Variants in PTPRG observed in about 807,000 individuals in gnomAD.
The protein encoded by PTPRG is receptor-type tyrosine-protein phosphatase gamma.
Under a neutral mutation model 165.3 loss-of-function variants are expected in PTPRG, and 102 were observed. That is an observed-to-expected ratio of 0.62 (90% CI 0.53 to 0.73). The LOEUF (loss-of-function observed/expected upper bound fraction) is 0.73, where lower values mean the gene tolerates loss of function less well. PTPRG is among the 30% of genes least tolerant of loss of function. PTPRG has a pLI of 0.00. For missense variants in PTPRG, 1,866 were observed against 1,861.4 expected (o/e 1.00, Z -0.05); for synonymous variants, 675 against 669.5 (o/e 1.01, Z -0.13).
chr3:61,813,838 C>A (rs2035671878), intron 2 of PTPRG, among the ~76,000 whole-genome samples: 1 of 150,140 alleles, frequency 6.7e-6, no homozygotes, highest in Non-Finnish European at 1.5e-5. Flanking sequence ...TGCTGTAATA[C>A]ATGCTTTTCA....
chr3:61,589,919 A>G (rs944848269), intron 1 of PTPRG, among the ~76,000 whole-genome samples: 1 of 152,158 alleles, frequency 6.6e-6, no homozygotes, highest in African/African-American at 2.4e-5. Flanking sequence ...AGCCACTCAC[A>G]TTTGGCTAGA....
chr3:61,860,378 G>A (rs1169004431), intron 2 of PTPRG, among the ~76,000 whole-genome samples: 2 of 148,684 alleles, frequency 1.3e-5, no homozygotes, highest in East Asian at 4.0e-4. Context: ...AAAAATACAT[G>A]ACTTTTCTCC....
chr3:61,608,137 T>G (rs1241627498), intron 1 of PTPRG, among the ~76,000 whole-genome samples: 1 of 151,806 alleles, frequency 6.6e-6, no homozygotes, highest in Non-Finnish European at 1.5e-5. Flanking sequence ...AGAAGGCTTA[T>G]CGGGGATGCT....
At chr3:61,786,710 A>G (rs1043323128) in intron 2 of PTPRG, among the ~76,000 whole-genome samples, 3 of 152,100 alleles carry the variant, frequency 2.0e-5, no homozygotes, top group Non-Finnish European at 4.4e-5. Flanking sequence ...TGATGTTTTT[A>G]AGACGCCAGA....
intron 2 of PTPRG, among the ~76,000 whole-genome samples, chr3:61,927,362 A>G (rs988682820): frequency 5.9e-5 from 9 of 152,140 alleles, no homozygotes; most frequent in African/African-American, 2.2e-4. Context: ...TTGGAGGCCG[A>G]GCTCTCAAAT....
intron 2 of PTPRG, among the ~76,000 whole-genome samples, chr3:61,865,937 C>G (rs1323391799): frequency 6.6e-6 from 1 of 152,186 alleles, no homozygotes; most frequent in Non-Finnish European, 1.5e-5. Flanking sequence ...GCTGTTGCCA[C>G]AAGTCTGCAT....
chr3:61,598,850 A>C (rs1475887110), intron 1 of PTPRG, among the ~76,000 whole-genome samples: 3 of 152,150 alleles, frequency 2.0e-5, no homozygotes, highest in African/African-American at 4.8e-5. Context: ...CCGCGGAAGC[A>C]CCATACCGAC....
At chr3:61,829,570 T>C (rs1421936091) in intron 2 of PTPRG, among the ~76,000 whole-genome samples, 1 of 152,260 alleles carries the variant, frequency 6.6e-6, no homozygotes, top group African/African-American at 2.4e-5. Context: ...CAACCCTTCC[T>C]GCTGTCTCTT....
chr3:61,599,145 A>G (rs1700779465), intron 1 of PTPRG, among the ~76,000 whole-genome samples: 1 of 152,168 alleles, frequency 6.6e-6, no homozygotes, highest in African/African-American at 2.4e-5. Context: ...GCATTAAACC[A>G]TTAATTAATT....
chr3:61,941,128 T>C (rs1267222502), intron 2 of PTPRG, among the ~76,000 whole-genome samples: 1 of 152,182 alleles, frequency 6.6e-6, no homozygotes, highest in Non-Finnish European at 1.5e-5. Flanking sequence ...CTCACAAACT[T>C]GTTGTGTGGA....
intron 1 of PTPRG, among the ~76,000 whole-genome samples, chr3:61,614,441 A>C (rs1701253697): frequency 2.2e-5 from 1 of 46,446 alleles, no homozygotes; most frequent in Non-Finnish European, 5.0e-5. Flanking sequence ...TTTTTGAGAC[A>C]GGATCTTTCC....
chr3:61,923,246 T>C (rs1208704773), intron 2 of PTPRG, among the ~76,000 whole-genome samples: 10 of 152,148 alleles, frequency 6.6e-5, no homozygotes, highest in African/African-American at 1.2e-4. Flanking sequence ...TGCACGTGTG[T>C]CAGTGGAGAC....
intron 2 of PTPRG, among the ~76,000 whole-genome samples, chr3:61,949,870 C>A (rs990026210): frequency 7.2e-5 from 11 of 152,126 alleles, no homozygotes; most frequent in African/African-American, 2.7e-4. Context: ...GCCTCAGCCT[C>A]CTGAGTAGTT....
At chr3:62,116,005 A>T (rs919474977) in intron 5 of PTPRG, among the ~76,000 whole-genome samples, 1 of 152,220 alleles carries the variant, frequency 6.6e-6, no homozygotes, top group Non-Finnish European at 1.5e-5. Flanking sequence ...TAAGTGGATT[A>T]TTGTAGCAAC....
chr3:61,708,074 C>A (rs988707425), intron 1 of PTPRG, among the ~76,000 whole-genome samples: 1 of 152,180 alleles, frequency 6.6e-6, no homozygotes, highest in East Asian at 1.9e-4. Context: ...CAGGCGTGAG[C>A]CACCACACCC....
At chr3:61,678,918 T>G (rs891504632) in intron 1 of PTPRG, among the ~76,000 whole-genome samples, 1 of 152,106 alleles carries the variant, frequency 6.6e-6, no homozygotes, top group Non-Finnish European at 1.5e-5. Context: ...CATTAGTATC[T>G]CTGTATTATG....
rs776995061 is a variant in PTPRG, at chr3:62,294,672, G to GTGTT, written c.*1369_*1372dup. The GTGTT allele has an allele frequency of 2.6e-5, 4 of 152,088 alleles. No individual in the cohort carries two copies. The highest frequency in any genetic ancestry group is 4.4e-5 in the Non-Finnish European group (3 of 67,990). The allele number at this position is 152,088 out of a possible 1,614,324, so 9.4% of individuals were successfully genotyped here. ...GGAGCATTAATAAGAAATTTCAGTAGTGTTTGTAAGGAAAATAAGCTACTT... is the reference window on the plus strand; with the variant it reads ...GGAGCATTAATAAGAAATTTCAGTAGTGTTTGTTTGTAAGGAAAATAAGCTACTT... On this transcript the variant is annotated 3_prime_UTR_variant, in exon 30 of 30. Transcript: ENST00000474889.
chr3:62,054,680 A>C (rs920269297), intron 4 of PTPRG, among the ~76,000 whole-genome samples: 4 of 152,228 alleles, frequency 2.6e-5, no homozygotes, highest in Admixed American at 2.0e-4. Flanking sequence ...AGGTATTTGG[A>C]AATGGAAGCA....
chr3:62,166,871 T>C (rs1320100906), intron 7 of PTPRG, among the ~76,000 whole-genome samples: 1 of 151,972 alleles, frequency 6.6e-6, no homozygotes, highest in African/African-American at 2.4e-5. Context: ...GTATTTTTTA[T>C]ATAGGCAGGG....
Sources: allele counts gnomAD v4.1 joint callset (sites outside exome capture counted in the v4.1 genomes callset), GRCh38; gene constraint gnomAD v4.1.1; transcripts MANE v1.5; gene names NCBI Gene and HGNC (gene_info 2026-07-23, HGNC 2026-07-21).